VEPH1: variants seen among roughly 807,000 people sequenced by gnomAD.
VEPH1 encodes the protein ventricular zone-expressed PH domain-containing protein homolog 1.
In VEPH1, 80 loss-of-function variants were observed where a neutral mutation model predicts 85.2. The observed-to-expected ratio is 0.94, with a 90% CI of 0.78 to 1.13. The LOEUF (loss-of-function observed/expected upper bound fraction) is 1.13, where lower values mean the gene tolerates loss of function less well. Ranked by LOEUF, VEPH1 falls within the 50% of genes most tolerant of loss-of-function variation. The pLI is 0.00. For synonymous variants in VEPH1, 297 were observed against 348.0 expected (o/e 0.85, Z 1.63); for missense variants, 955 against 980.5 (o/e 0.97, Z 0.35).
At chr3:157,428,552 ATTACCAATGTAATAATATTTGCAC>A in intron 4 of VEPH1, 64 bp from the exon 5 acceptor site, 1 of 1,497,712 alleles carries the variant, frequency 6.7e-7, no homozygotes, top group East Asian at 2.3e-5. Context: ...AAATAACATT[ATTACCAATGTAATAATATTTGCAC>A]TTACACATTA....
At chr3:157,403,500 A>G (rs988952007) in intron 6 of VEPH1, among the ~76,000 whole-genome samples, 6 of 152,040 alleles carry the variant, frequency 3.9e-5, no homozygotes, top group Non-Finnish European at 8.8e-5. Flanking sequence ...ATCATAGCTC[A>G]CTGCCTTGAA....
Position 157,428,325 on chromosome 3 carries a change from G to C in VEPH1, c.693C>G (p.Leu231=), listed in dbSNP as rs775503594. The C allele has an allele frequency of 5.6e-6, 9 of 1,613,972 alleles. No individual in the cohort carries two copies. The South Asian group carries it at 8.8e-5, about 16-fold the overall frequency. Residue 231 remains leucine, a synonymous_variant, in exon 5 of 14, where the codon CTC becomes CTG. Coordinates refer to ENST00000362010, the MANE Select transcript of VEPH1 (RefSeq NM_001167912.2). ...ACATATACAATGTACTTTTTACCTCGAGTTGTTTTTTCTTTGCTGCTACAT... is the reference window on the plus strand; with the variant it reads ...ACATATACAATGTACTTTTTACCTCCAGTTGTTTTTTCTTTGCTGCTACAT... ...LLHVAAKKKQ[L]EVVQKCIPFL... is the part of the protein sequence containing the mutation.
chr3:157,348,966 A>G (rs1724545372), intron 9 of VEPH1, among the ~76,000 whole-genome samples: 2 of 152,222 alleles, frequency 1.3e-5, no homozygotes. Flanking sequence ...TACTTCAAAA[A>G]AATTAAAGCA....
intron 7 of VEPH1, among the ~76,000 whole-genome samples, chr3:157,370,236 C>T (rs1030696931): frequency 4.6e-5 from 7 of 152,110 alleles, no homozygotes; most frequent in Non-Finnish European, 8.8e-5. Flanking sequence ...TTGGGCTGCT[C>T]GCTGCTCTCA....
chr3:157,311,562 G>A (rs1720114696), intron 11 of VEPH1, among the ~76,000 whole-genome samples: 1 of 152,110 alleles, frequency 6.6e-6, no homozygotes, highest in Non-Finnish European at 1.5e-5. Context: ...TATTACTCAT[G>A]AACAAACCAA....
At chr3:157,444,033 G>A (rs1734348923) in intron 4 of VEPH1, among the ~76,000 whole-genome samples, 1 of 152,160 alleles carries the variant, frequency 6.6e-6, no homozygotes, top group African/African-American at 2.4e-5. Context: ...CTCCTGCCCT[G>A]AAAGCACACC....
chr3:157,333,920 T>C (rs1208313875), intron 9 of VEPH1, among the ~76,000 whole-genome samples: 1 of 152,186 alleles, frequency 6.6e-6, no homozygotes, highest in Admixed American at 6.5e-5. Flanking sequence ...TGCATTGCTC[T>C]CTCTGGTTGG....
At chr3:157,275,411 GC>G (rs1282328495) in intron 12 of VEPH1, among the ~76,000 whole-genome samples, 1 of 151,920 alleles carries the variant, frequency 6.6e-6, no homozygotes, top group Non-Finnish European at 1.5e-5. Context: ...TTCTGTTTCT[GC>G]TAAAATACAA....
intron 13 of VEPH1, 135 bp downstream of exon 13, chr3:157,265,391 G>A (rs1268421091): frequency 1.0e-6 from 1 of 971,524 alleles, no homozygotes; most frequent in Non-Finnish European, 1.5e-6. Context: ...AGAAATGTGT[G>A]ATAAAACAAT....
intron 11 of VEPH1, among the ~76,000 whole-genome samples, chr3:157,304,543 G>A (rs1719253029): frequency 6.6e-6 from 1 of 152,104 alleles, no homozygotes; most frequent in Non-Finnish European, 1.5e-5. Context: ...GAAGTGTTGG[G>A]TAGCACATGC....
chr3:157,411,965 A>G (rs965588505), intron 6 of VEPH1, among the ~76,000 whole-genome samples: 7 of 151,952 alleles, frequency 4.6e-5, no homozygotes, highest in African/African-American at 7.3e-5. Context: ...GTGGGAGGTG[A>G]CTCGATCACG....
chr3:157,378,316 A>G (rs1332953626), intron 7 of VEPH1, among the ~76,000 whole-genome samples: 6 of 6,586 alleles, frequency 9.1e-4, no homozygotes, highest in Non-Finnish European at 1.4e-3. Context: ...GTATATATAT[A>G]TATATATATA....
chr3:157,360,534 G>C (rs1032309284), intron 9 of VEPH1, among the ~76,000 whole-genome samples: 20 of 151,906 alleles, frequency 1.3e-4, no homozygotes, highest in African/African-American at 4.8e-4. Context: ...GATGCTTTTT[G>C]ACTTATGATG....
rs1713512654 is a variant in VEPH1 at position 157,265,516 on chromosome 3, A to G, written c.2265+10T>C. 4 of 1,610,168 alleles carry G rather than the reference A, an allele frequency of 2.5e-6. No individual in the cohort carries two copies. Among genetic ancestry groups the G allele is most frequent in the Admixed American group, 1.7e-5 (1 of 59,598 alleles). Reference sequence around the variant, plus strand: ...AAAATGCAAGTGTAAAAGATGATGGAGGAACTTACAGACTTTCCTTTTTGA... The same window carrying G: ...AAAATGCAAGTGTAAAAGATGATGGGGGAACTTACAGACTTTCCTTTTTGA... On this transcript the variant is annotated intron_variant, in intron 13 of 13. Transcript: ENST00000362010.
intron 4 of VEPH1, among the ~76,000 whole-genome samples, chr3:157,455,129 C>G (rs1735266232): frequency 6.6e-6 from 1 of 152,114 alleles, no homozygotes. Flanking sequence ...ATTGCTGGGT[C>G]AAATAATAGT....
chr3:157,311,289 T>C (rs1198136899), intron 11 of VEPH1, among the ~76,000 whole-genome samples: 3 of 152,258 alleles, frequency 2.0e-5, no homozygotes, highest in Non-Finnish European at 4.4e-5. Context: ...CATTAGGAGT[T>C]TCTTCCTTCT....
At chr3:157,355,645 A>G (rs543191843) in intron 9 of VEPH1, among the ~76,000 whole-genome samples, 80 of 152,324 alleles carry the variant, frequency 5.3e-4, no homozygotes, top group Admixed American at 2.5e-3. Context: ...ATATTTCTTC[A>G]AACATCTAAA....
chr3:157,484,672 G>T (rs1577783539), intron 2 of VEPH1, among the ~76,000 whole-genome samples: 1 of 152,136 alleles, frequency 6.6e-6, no homozygotes, highest in East Asian at 1.9e-4. Flanking sequence ...TAACATGTAA[G>T]ATGGGCATTA....
intron 2 of VEPH1, among the ~76,000 whole-genome samples, chr3:157,475,099 C>A (rs1737336927): frequency 6.6e-6 from 1 of 151,766 alleles, no homozygotes; most frequent in Non-Finnish European, 1.5e-5. Context: ...CCTATCCCAG[C>A]CTCCTGAGTA....
Sources: gnomAD v4.1 joint callset for allele counts (sites outside exome capture counted in the v4.1 genomes callset) on GRCh38, gnomAD v4.1.1 for gene constraint, MANE v1.5 for transcripts, NCBI Gene and HGNC (gene_info 2026-07-23, HGNC 2026-07-21) for gene names.